Variants in ZMYND8 observed in about 807,000 individuals in gnomAD.
The protein encoded by ZMYND8 is MYND-type zinc finger-containing chromatin reader ZMYND8.
Under a neutral mutation model 140.8 loss-of-function variants are expected in ZMYND8, and 37 were observed. The observed-to-expected ratio is 0.26, with a 90% CI of 0.20 to 0.35. The LOEUF is 0.35. Among genes scored for constraint, ZMYND8 ranks in the 10% least tolerant of loss-of-function variants. ZMYND8 has a pLI of 1.00. For missense variants in ZMYND8, 1,068 were observed against 1,570.0 expected (o/e 0.68, Z 5.40); for synonymous variants, 592 against 597.1 (o/e 0.99, Z 0.12).
At position 47,236,420 on chromosome 20, in the gene ZMYND8, G is replaced by C; in HGVS notation, c.2762C>G (p.Ser921Cys). Residue 921 changes from serine to cysteine, a missense_variant, in exon 16 of 23, where the codon TCC becomes TGC. Around this residue, in one of 10 missense-constraint regions of ZMYND8, gnomAD observed 383 missense variants for 431.2 expected, o/e 0.89. Coordinates refer to ENST00000471951, the MANE Select transcript of ZMYND8 (RefSeq NM_001281775.3). ...QSSPLVTSSG[S>C]MSTLVSSVNA... The stretch of plus-strand genomic sequence containing the variant: ...GACTGAGGACACAAGGGTGCTCATG[G>C]ACCCCGAGCTGGTGACCAGGGGCGA... The C allele has an allele frequency of 3.1e-6, 5 of 1,614,178 alleles. No individual in the cohort carries two copies. Among genetic ancestry groups the C allele is most frequent in the Non-Finnish European group, 4.2e-6 (5 of 1,180,034 alleles).
intron 12 of ZMYND8, among the ~76,000 whole-genome samples, chr20:47,260,797 A>T (rs1211228523): frequency 3.9e-5 from 6 of 152,104 alleles, no homozygotes; most frequent in African/African-American, 1.4e-4. Flanking sequence ...CTTTCTAAAA[A>T]CCCAGCCTCT....
At chr20:47,332,419 A>C (rs1422161964) in intron 2 of ZMYND8, among the ~76,000 whole-genome samples, 1 of 152,180 alleles carries the variant, frequency 6.6e-6, no homozygotes, top group Non-Finnish European at 1.5e-5. Flanking sequence ...TGCCTTTAAA[A>C]GTCTGTGACT....
chr20:47,246,420 A>C lies in ZMYND8; in HGVS notation c.1872T>G (p.Ser624Arg). 2 of 1,613,346 alleles carry C rather than the reference A, an allele frequency of 1.2e-6. No homozygotes were observed. Among genetic ancestry groups the C allele is most frequent in the Non-Finnish European group, 1.7e-6 (2 of 1,179,896 alleles). Residue 624 changes from serine to arginine, a missense_variant, in exon 14 of 23, where the codon AGT (serine) becomes AGG (arginine). Coordinates refer to ENST00000471951, the MANE Select transcript of ZMYND8 (RefSeq NM_001281775.3). ...CGTTCTTAGACTTCTGCTCATCATCACTGATATACTCACTATCGCTACTAT... is the reference window on the plus strand; with the variant it reads ...CGTTCTTAGACTTCTGCTCATCATCCCTGATATACTCACTATCGCTACTAT... ...KSDSSDSEYI[S>R]DDEQKSKNEP...
chr20:47,242,189 T>C (rs1477336388), intron 14 of ZMYND8, among the ~76,000 whole-genome samples: 1 of 152,202 alleles, frequency 6.6e-6, no homozygotes, highest in Non-Finnish European at 1.5e-5. Context: ...AGGATTTTCA[T>C]TCAGTAAGCT....
At chr20:47,291,562 G>A (rs1181590306) in intron 6 of ZMYND8, among the ~76,000 whole-genome samples, 2 of 152,150 alleles carry the variant, frequency 1.3e-5, no homozygotes, top group Non-Finnish European at 2.9e-5. Flanking sequence ...TAGAATCATC[G>A]CAAAAGTATT....
intron 5 of ZMYND8, among the ~76,000 whole-genome samples, chr20:47,292,475 C>A (rs1421799391): frequency 6.6e-6 from 1 of 151,848 alleles, no homozygotes. Context: ...TTTGCTTCCA[C>A]TGATTGAGAT....
chr20:47,282,083 G>C lies in ZMYND8; in HGVS notation c.998+19C>G, dbSNP rs990530666. 151 of 1,600,174 alleles carry C rather than the reference G, an allele frequency of 9.4e-5. No homozygotes were observed. The highest frequency in any genetic ancestry group is 1.3e-4 in the Non-Finnish European group (149 of 1,170,312). ...GTTCAGTGAAAGCTACATGTTCCAA[G>C]CCTGTTATTAACTCCCACCTGTCAT... On this transcript the variant is annotated intron_variant, in intron 10 of 22. Transcript: ENST00000471951.
At chr20:47,353,103 A>C (rs1233457343) in intron 1 of ZMYND8, 2 of 152,116 alleles carry the variant, frequency 1.3e-5, no homozygotes, top group African/African-American at 4.8e-5. Flanking sequence ...CAAAAGAAAC[A>C]AAGACATCAC....
intron 16 of ZMYND8, among the ~76,000 whole-genome samples, chr20:47,235,575 C>T (rs867111943): frequency 3.9e-5 from 6 of 152,114 alleles, no homozygotes; most frequent in Admixed American, 6.5e-5. Context: ...GGCATGGTGG[C>T]GCGTGCCTGT....
chr20:47,308,649 C>G (rs1487872372), intron 3 of ZMYND8, among the ~76,000 whole-genome samples: 3 of 152,200 alleles, frequency 2.0e-5, no homozygotes, highest in Non-Finnish European at 2.9e-5. Flanking sequence ...TCAATGTTCA[C>G]AACCCTGTGA....
chr20:47,340,778 C>T (rs2081798927), intron 2 of ZMYND8, among the ~76,000 whole-genome samples: 1 of 150,840 alleles, frequency 6.6e-6, no homozygotes. Flanking sequence ...CAGAGCAAGA[C>T]TCTGTCTCAA....
intron 11 of ZMYND8, among the ~76,000 whole-genome samples, chr20:47,271,935 G>A (rs905500419): frequency 4.0e-5 from 6 of 151,728 alleles, no homozygotes; most frequent in East Asian, 3.9e-4. Flanking sequence ...CGCCCACCTC[G>A]GCCTCCCAAA....
At chr20:47,355,472 T>A (rs2148658036) in intron 1 of ZMYND8, 1 of 985,408 alleles carries the variant, frequency 1.0e-6, no homozygotes, top group Non-Finnish European at 1.2e-6. Flanking sequence ...CAAGCAACCG[T>A]CTCATTTTTC....
chr20:47,283,234 T>C (rs1391169202), intron 9 of ZMYND8, among the ~76,000 whole-genome samples: 1 of 152,172 alleles, frequency 6.6e-6, no homozygotes, highest in African/African-American at 2.4e-5. Context: ...ACCAACATGA[T>C]TTGTAAATCC....
chr20:47,235,873 C>G (rs2039171899), intron 16 of ZMYND8, among the ~76,000 whole-genome samples: 1 of 152,110 alleles, frequency 6.6e-6, no homozygotes, highest in Admixed American at 6.5e-5. Context: ...CCCTTGGTCC[C>G]CCTCCCCATC....
rs111343178 is a variant in ZMYND8, at chr20:47,291,494, C to T, written c.660+302G>A. On this transcript the variant is annotated intron_variant, in intron 6 of 22. Coordinates refer to ENST00000471951, the MANE Select transcript of ZMYND8 (RefSeq NM_001281775.3). ...CACCTCCGAAAGAAAGAGGAGGTAA[C>T]GCTCAAGTCAATCAAATCACTAACT... Among the ~76,000 whole-genome samples the T allele has an allele frequency of 2.5e-3, 380 of 152,266 alleles. 1 individual carries two copies. Among genetic ancestry groups the T allele is most frequent in the African/African-American group, 7.8e-3 (323 of 41,544 alleles).
At chr20:47,315,883 T>C (rs1332564639) in intron 2 of ZMYND8, among the ~76,000 whole-genome samples, 1 of 151,852 alleles carries the variant, frequency 6.6e-6, no homozygotes, top group Non-Finnish European at 1.5e-5. Flanking sequence ...TCTGAATGAG[T>C]TAACGTGGGT....
chr20:47,232,807 T>C lies in ZMYND8; in HGVS notation c.2857-3001A>G, dbSNP rs114635686. On this transcript the variant is annotated intron_variant, in intron 16 of 22. Coordinates refer to ENST00000471951, the MANE Select transcript of ZMYND8 (RefSeq NM_001281775.3). ...AAATTACCCGCTTTCAATTCTCTAA[T>C]AATCCTACAGATTGCTTCAGCAAGA... Among the ~76,000 whole-genome samples, 787 of 152,220 alleles carry C rather than the reference T, an allele frequency of 5.2e-3. 10 individuals are homozygous for C. Among genetic ancestry groups the C allele is most frequent in the African/African-American group, 0.018 (751 of 41,496 alleles).
At position 47,249,399 on chromosome 20, in the gene ZMYND8, C is replaced by T. The variant is rs1300581040; in HGVS notation, c.1662G>A (p.Glu554=). 1 of 1,614,190 alleles carries T rather than the reference C, an allele frequency of 6.2e-7. No individual in the cohort carries two copies. The highest frequency in any genetic ancestry group is 1.1e-5 in the South Asian group (1 of 91,076). ...CAGGGGTGGACTGTTGCTGGACCGACTCGCTCAGCTCCTTCAAATCCATCT... is the reference window on the plus strand; with the variant it reads ...CAGGGGTGGACTGTTGCTGGACCGATTCGCTCAGCTCCTTCAAATCCATCT... ...KAEMDLKELS[E]SVQQQSTPVP... is the part of the protein sequence containing the mutation. Residue 554 remains glutamate (E), a synonymous_variant, in exon 13 of 23, where the codon GAG becomes GAA. Transcript: ENST00000471951.
Sources: gnomAD v4.1 joint callset for allele counts (sites outside exome capture counted in the v4.1 genomes callset) on GRCh38, gnomAD v4.1.1 for gene constraint, gnomAD v4.1.1 regional missense constraint, MANE v1.5 for transcripts, NCBI Gene and HGNC (gene_info 2026-07-23, HGNC 2026-07-21) for gene names.